LRP5: variants seen among roughly 807,000 people sequenced by gnomAD.
The protein encoded by LRP5 is low-density lipoprotein receptor-related protein 5.
LRP5 carries 62 observed loss-of-function variants against 154.1 expected under a neutral mutation model. The observed-to-expected ratio is 0.40, with a 90% CI of 0.33 to 0.50. The LOEUF is 0.50. Among genes scored for constraint, LRP5 ranks in the 20% least tolerant of loss-of-function variants. The probability of loss-of-function intolerance (pLI) is 0.55; values close to 1 mark genes in which losing one functional copy is unlikely to be tolerated. For missense variants in LRP5, 1,915 were observed against 2,336.7 expected (o/e 0.82, Z 3.72); for synonymous variants, 966 against 1,011.5 (o/e 0.96, Z 0.85).
At chr11:68,434,390 AT>A (rs2098673741) in intron 18 of LRP5, among the ~76,000 whole-genome samples, 1 of 136,736 alleles carries the variant, frequency 7.3e-6, no homozygotes, top group African/African-American at 2.9e-5. Flanking sequence ...TCATTCATTC[AT>A]TCATTCGAGA....
At chr11:68,383,920 T>G (rs1220842638) in intron 5 of LRP5, among the ~76,000 whole-genome samples, 11 of 152,150 alleles carry the variant, frequency 7.2e-5, no homozygotes, top group Admixed American at 3.9e-4. Context: ...GAAAATTTGT[T>G]GAAATTCAGA....
At chr11:68,374,443 G>A (rs903503099) in intron 5 of LRP5, among the ~76,000 whole-genome samples, 2 of 152,248 alleles carry the variant, frequency 1.3e-5, no homozygotes, top group Admixed American at 6.5e-5. Flanking sequence ...GCCATGGACC[G>A]TGAATTTTTA....
chr11:68,394,698 T>A (rs138999621), intron 7 of LRP5, among the ~76,000 whole-genome samples: 2,918 of 151,780 alleles, frequency 0.019, 107 homozygotes, highest in African/African-American at 0.067. Context: ...TCTCCTGACC[T>A]CATGATCCGC....
intron 5 of LRP5, among the ~76,000 whole-genome samples, chr11:68,370,870 C>T (rs545306219): frequency 1.3e-5 from 2 of 152,276 alleles, no homozygotes; most frequent in East Asian, 3.9e-4. Context: ...GTTCCAGATG[C>T]CGTGTGTAGG....
intron 21 of LRP5, among the ~76,000 whole-genome samples, chr11:68,441,174 G>A (rs1467703193): frequency 1.3e-5 from 2 of 152,142 alleles, no homozygotes; most frequent in East Asian, 3.9e-4. Context: ...TACCTTCTAG[G>A]CTCAAGCAAT....
At chr11:68,425,009 G>A in intron 14 of LRP5, 93 bp from the exon 15 acceptor site, 1 of 1,124,902 alleles carries the variant, frequency 8.9e-7, no homozygotes, top group East Asian at 2.4e-5. Context: ...GAGAGGCAGG[G>A]GCTTTCCACA....
intron 6 of LRP5, among the ~76,000 whole-genome samples, chr11:68,388,201 G>A (rs2098644078): frequency 6.6e-6 from 1 of 152,154 alleles, no homozygotes; most frequent in African/African-American, 2.4e-5. Flanking sequence ...AGGGTAAGAA[G>A]TGGGGTCCCC....
At chr11:68,320,682 G>A (rs2098596249) in intron 1 of LRP5, among the ~76,000 whole-genome samples, 2 of 152,024 alleles carry the variant, frequency 1.3e-5, no homozygotes, top group South Asian at 2.1e-4. Flanking sequence ...GGCTGGTCTC[G>A]AACTCCTGAC....
Position 68,332,372 on chromosome 11 carries a change from C to T in LRP5, c.92-15475C>T, listed in dbSNP as rs534195274. ...GTCCACGGCCAGCATTGGAGGTGCT[C>T]GGCCCCAGCACCCGGGCCTTGCTCT... On this transcript the variant is annotated intron_variant, in intron 1 of 22. Coordinates refer to ENST00000294304, the MANE Select transcript of LRP5 (RefSeq NM_002335.4). 1.4e-3 allele frequency among the ~76,000 whole-genome samples: 215 copies of T among 152,330 alleles called. 1 individual carries two copies. The highest frequency in any genetic ancestry group is 4.6e-3 in the African/African-American group (190 of 41,578).
rs1480257323 is a variant in LRP5, at chr11:68,403,604, A to G, written c.1706A>G (p.Glu569Gly). The change falls in exon 8 of 23, where the codon GAG becomes GGG. Residue 569 changes from glutamate (E) to glycine (G), a missense_variant. Physicochemically the swap from Glu to Gly is moderately conservative, Grantham distance 98. Coordinates refer to ENST00000294304, the MANE Select transcript of LRP5 (RefSeq NM_002335.4). Reference sequence around the variant, plus strand: ...ACTGACTGGCAGCGCCGCAGCATCGAGCGGGTGCACAAGGTCAAGGCCAGC... The same window carrying G: ...ACTGACTGGCAGCGCCGCAGCATCGGGCGGGTGCACAAGGTCAAGGCCAGC... ...YWTDWQRRSIERVHKVKASRD... is the reference protein window; with the variant it reads ...YWTDWQRRSIGRVHKVKASRD... 6 of 1,614,032 alleles carry G rather than the reference A, an allele frequency of 3.7e-6. No homozygotes were observed. In the Admixed American group the frequency reaches 1.0e-4, roughly 27 times the overall value.
Position 68,403,509 on chromosome 11 carries a change from GC to G in LRP5, c.1612del (p.Arg538GlyfsTer51). 1 of 1,614,140 alleles carries G rather than the reference GC, an allele frequency of 6.2e-7. No individual in the cohort carries two copies. The highest frequency in any genetic ancestry group is 8.5e-7 in the Non-Finnish European group (1 of 1,180,030). ...EVINVDGTKR[R>X]TLLEDKLPHI... ...TGATCAATGTTGATGGGACGAAGAG[GC>G]GGACCCTCCTGGAGGACAAGCTCCC... On this transcript the variant is annotated frameshift_variant, in exon 8 of 23. Coordinates refer to ENST00000294304, the MANE Select transcript of LRP5 (RefSeq NM_002335.4). LOFTEE classifies it high-confidence loss of function.
intron 5 of LRP5, among the ~76,000 whole-genome samples, chr11:68,368,648 T>G (rs1377127419): frequency 6.6e-6 from 1 of 152,182 alleles, no homozygotes; most frequent in Admixed American, 6.5e-5. Context: ...ACTCTCTTGG[T>G]GTGTCTGTCT....
At chr11:68,321,267 T>C (rs1321959157) in intron 1 of LRP5, among the ~76,000 whole-genome samples, 3 of 152,190 alleles carry the variant, frequency 2.0e-5, no homozygotes, top group Non-Finnish European at 4.4e-5. Flanking sequence ...TGTACCGGAA[T>C]GCTGCTGTCT....
At position 68,413,210 on chromosome 11, in the gene LRP5, A is replaced by G; in HGVS notation, c.2504-479A>G. 3.7e-6 allele frequency: 1 copy of G among 269,618 alleles called. No individual in the cohort carries two copies. Among genetic ancestry groups the G allele is most frequent in the Non-Finnish European group, 7.2e-6 (1 of 138,974 alleles). 16.7% of individuals were successfully genotyped at this position (269,618 alleles called of 1,614,324 possible). ...TCATTAATCACCCCGGAGTGAGGAC[A>G]GACTCAGATGAAAACCAGCAAAAGC... On this transcript the variant is annotated intron_variant, in intron 11 of 22. Transcript: ENST00000294304. This position sits in a 1 kb window ranked among gnomAD's most constrained non-coding sequence, Gnocchi z 5.1.
upstream of LRP5, among the ~76,000 whole-genome samples, chr11:68,311,538 G>T (rs2098587852): frequency 6.6e-6 from 1 of 152,226 alleles, no homozygotes; most frequent in Non-Finnish European, 1.5e-5. Flanking sequence ...TGTCAATGGG[G>T]CTTTTGTTGT....
chr11:68,405,042 C>A (rs936520143), intron 8 of LRP5, among the ~76,000 whole-genome samples: 1 of 150,988 alleles, frequency 6.6e-6, no homozygotes, highest in African/African-American at 2.4e-5. Context: ...CGCCTATAAT[C>A]TCACTACTCG....
chr11:68,316,648 GA>G (rs1471220435), intron 1 of LRP5, among the ~76,000 whole-genome samples: 2 of 152,248 alleles, frequency 1.3e-5, no homozygotes, highest in African/African-American at 2.4e-5. Context: ...TTCATCCGCT[GA>G]TTGGATTGAT....
intron 8 of LRP5, 60 bp from the exon 9 acceptor site, chr11:68,406,464 G>T: frequency 6.4e-7 from 1 of 1,554,582 alleles, no homozygotes. Flanking sequence ...TGGCTTGGCC[G>T]CACCCCTTTC....
intron 19 of LRP5, 93 bp from the exon 20 acceptor site, chr11:68,438,353 C>T (rs2098676172): frequency 8.1e-7 from 1 of 1,239,654 alleles, no homozygotes; most frequent in Non-Finnish European, 1.2e-6. Context: ...AGTGGCAAAG[C>T]CAGCCCCTTC....
Sources: allele counts gnomAD v4.1 joint callset (sites outside exome capture counted in the v4.1 genomes callset), GRCh38; gene constraint gnomAD v4.1.1; non-coding constraint Gnocchi (gnomAD v3.1); transcripts MANE v1.5; gene names NCBI Gene and HGNC (gene_info 2026-07-23, HGNC 2026-07-21).